The following NAALADL2 variants were observed in gnomAD, a reference collection of about 807,000 sequenced individuals.
The protein encoded by NAALADL2 is N-acetylated alpha-linked acidic dipeptidase like 2, also known as inactive N-acetylated-alpha-linked acidic dipeptidase-like protein 2.
In NAALADL2, 76 loss-of-function variants were observed where a neutral mutation model predicts 87.2. The observed-to-expected ratio is 0.87, with a 90% CI of 0.72 to 1.05. The LOEUF is 1.05. NAALADL2 is among the 50% of genes least tolerant of loss of function. The probability of loss-of-function intolerance (pLI) is 0.00; values close to 1 mark genes in which losing one functional copy is unlikely to be tolerated. For missense variants in NAALADL2, 1,089 were observed against 945.8 expected, an observed-to-expected ratio of 1.15 and a Z score of -1.99; for synonymous variants, 354 against 331.0, an observed-to-expected ratio of 1.07 and a Z score of -0.75.
intron 1 of NAALADL2, among the ~76,000 whole-genome samples, chr3:175,003,868 C>CT (rs1691529793): frequency 6.6e-6 from 1 of 152,150 alleles, no homozygotes; most frequent in Non-Finnish European, 1.5e-5. Flanking sequence ...TGTGCATTCA[C>CT]AACAGAACAA....
Position 175,534,409 on chromosome 3 carries a change from A to G in NAALADL2, c.1654-41632A>G, listed in dbSNP as rs907823225. ...AACTTGGAGTCTGATGTTCAAAGGC[A>G]GGAAGCATCTAGCATTGCAGAAAGA... On this transcript the variant is annotated intron_variant, in intron 9 of 13. Transcript: ENST00000454872. 1.4e-4 allele frequency among the ~76,000 whole-genome samples: 21 copies of G among 152,336 alleles called. 1 individual carries two copies. Among genetic ancestry groups the G allele is most frequent in the South Asian group, 1.2e-3 (6 of 4,832 alleles).
chr3:175,072,285 A>C (rs867887096), intron 1 of NAALADL2, among the ~76,000 whole-genome samples: 59 of 152,172 alleles, frequency 3.9e-4, no homozygotes, highest in African/African-American at 1.3e-3. Context: ...TAGTTTCTTT[A>C]TCTGAAAATG....
chr3:175,772,267 A>T (rs1359560922), intron 13 of NAALADL2, among the ~76,000 whole-genome samples: 2 of 145,790 alleles, frequency 1.4e-5, no homozygotes, highest in Non-Finnish European at 3.0e-5. Context: ...AGCTTTATTT[A>T]TTTTTTTTTT....
chr3:175,377,745 A>C (rs1767317972), intron 5 of NAALADL2, among the ~76,000 whole-genome samples: 1 of 152,186 alleles, frequency 6.6e-6, no homozygotes, highest in Non-Finnish European at 1.5e-5. Flanking sequence ...CTGACAGACA[A>C]GGAGCAGCTG....
At chr3:174,702,172 ATGATGT>A (rs1294369543) in intron 2 of NAALADL2, among the ~76,000 whole-genome samples, 1 of 152,094 alleles carries the variant, frequency 6.6e-6, no homozygotes, top group Non-Finnish European at 1.5e-5. Flanking sequence ...TTATTCACTA[ATGATGT>A]TGATCTTTTT....
chr3:175,347,794 G>A (rs1403984650), intron 5 of NAALADL2, among the ~76,000 whole-genome samples: 1 of 152,044 alleles, frequency 6.6e-6, no homozygotes, highest in Non-Finnish European at 1.5e-5. Context: ...TTGCAGATTT[G>A]TTACACAGGT....
At chr3:175,510,731 G>A in intron 9 of NAALADL2, among the ~76,000 whole-genome samples, 1 of 152,036 alleles carries the variant, frequency 6.6e-6, no homozygotes, top group Non-Finnish European at 1.5e-5. Context: ...AAATCATCAA[G>A]GATTTCATAC....
intron 2 of NAALADL2, among the ~76,000 whole-genome samples, chr3:175,139,584 C>G (rs1406843441): frequency 6.6e-6 from 1 of 151,996 alleles, no homozygotes; most frequent in Non-Finnish European, 1.5e-5. Flanking sequence ...GTATCACCTT[C>G]TTATATTTTA....
At chr3:174,758,019 A>C (rs1326644195) in intron 3 of NAALADL2, among the ~76,000 whole-genome samples, 1 of 152,132 alleles carries the variant, frequency 6.6e-6, no homozygotes, top group Non-Finnish European at 1.5e-5. Flanking sequence ...AGGGAGTGAA[A>C]AGGCTCATAT....
intron 4 of NAALADL2, among the ~76,000 whole-genome samples, chr3:175,297,277 C>A (rs1405138243): frequency 6.6e-6 from 1 of 152,182 alleles, no homozygotes; most frequent in East Asian, 1.9e-4. Flanking sequence ...TTCAACATAG[C>A]ACTCCTATGT....
chr3:174,933,189 T>C (rs949763977), intron 1 of NAALADL2, among the ~76,000 whole-genome samples: 2 of 152,220 alleles, frequency 1.3e-5, no homozygotes, highest in Admixed American at 6.5e-5. Context: ...TTTTTACCCT[T>C]CTAATTAAGG....
At chr3:174,929,952 A>C (rs1418001431) in intron 1 of NAALADL2, among the ~76,000 whole-genome samples, 1 of 152,300 alleles carries the variant, frequency 6.6e-6, no homozygotes, top group Non-Finnish European at 1.5e-5. Context: ...TCTAGCATAT[A>C]GTATGTACTC....
chr3:174,871,498 G>A (rs1000682235), intron 1 of NAALADL2, among the ~76,000 whole-genome samples: 1 of 152,154 alleles, frequency 6.6e-6, no homozygotes, highest in African/African-American at 2.4e-5. Context: ...AAGGATGAAG[G>A]ATTATTATTT....
chr3:175,300,791 T>TTTATTTA (rs1560315886), intron 4 of NAALADL2, among the ~76,000 whole-genome samples: 12 of 142,622 alleles, frequency 8.4e-5, no homozygotes, highest in African/African-American at 2.8e-4. Flanking sequence ...TTATTTATTT[T>TTTATTTA]ATTTTATTTT....
At chr3:175,022,806 T>G (rs1751728911) in intron 1 of NAALADL2, among the ~76,000 whole-genome samples, 3 of 151,944 alleles carry the variant, frequency 2.0e-5, no homozygotes, top group African/African-American at 7.3e-5. Flanking sequence ...AAAGCACATA[T>G]TCCACCTGCA....
intron 2 of NAALADL2, among the ~76,000 whole-genome samples, chr3:175,190,036 A>C (rs997797666): frequency 6.6e-6 from 1 of 152,154 alleles, no homozygotes; most frequent in Non-Finnish European, 1.5e-5. Context: ...CTTATCTTAC[A>C]TCATATGCAA....
chr3:175,038,356 T>C (rs976008679), intron 1 of NAALADL2, among the ~76,000 whole-genome samples: 1 of 152,150 alleles, frequency 6.6e-6, no homozygotes, highest in African/African-American at 2.4e-5. Flanking sequence ...TTACTGACAC[T>C]TTCACTAAGA....
At chr3:175,252,370 T>G (rs1208607103) in intron 3 of NAALADL2, among the ~76,000 whole-genome samples, 2 of 152,164 alleles carry the variant, frequency 1.3e-5, no homozygotes, top group African/African-American at 4.8e-5. Context: ...GTTACCATTG[T>G]CCATTGTTAT....
chr3:174,459,322 G>A (rs1262821719), intron 1 of NAALADL2: 1 of 152,178 alleles, frequency 6.6e-6, no homozygotes, highest in Admixed American at 6.5e-5. Flanking sequence ...GGTGAAGCCT[G>A]TTACTAGAAG....
Sources: allele counts gnomAD v4.1 joint callset (sites outside exome capture counted in the v4.1 genomes callset), GRCh38; gene constraint gnomAD v4.1.1; transcripts MANE v1.5; gene names NCBI Gene and HGNC (gene_info 2026-07-23, HGNC 2026-07-21).